The following SLC24A2 variants were observed in gnomAD, a reference collection of about 807,000 sequenced individuals.
SLC24A2 encodes the protein solute carrier family 24 member 2, also known as sodium/potassium/calcium exchanger 2.
SLC24A2 carries 36 observed loss-of-function variants against 62.0 expected under a neutral mutation model. The ratio of observed to expected loss-of-function variants is 0.58; its 90% CI spans 0.44 to 0.77. SLC24A2 has a LOEUF of 0.77. Ranked by LOEUF, SLC24A2 falls within the 30% of genes least tolerant of loss-of-function variation. The probability of loss-of-function intolerance (pLI) is 0.00; values close to 1 mark genes in which losing one functional copy is unlikely to be tolerated. For missense variants in SLC24A2, 846 were observed against 817.9 expected, an observed-to-expected ratio of 1.03 and a Z score of -0.42; for synonymous variants, 358 against 294.0, an observed-to-expected ratio of 1.22 and a Z score of -2.23.
At chr9:19,949,427 T>C in the SLC24A2 span, among the ~76,000 whole-genome samples, 1 of 152,232 alleles carries the variant, frequency 6.6e-6, no homozygotes, top group Non-Finnish European at 1.5e-5. Flanking sequence ...TATGTGATCA[T>C]ACTAACAAGA....
At chr9:19,833,986 T>C in the SLC24A2 span, among the ~76,000 whole-genome samples, 1 of 152,156 alleles carries the variant, frequency 6.6e-6, no homozygotes, top group Non-Finnish European at 1.5e-5. Flanking sequence ...GGACTGCCAG[T>C]AAACTCCAAC....
chr9:20,019,728 A>C, the SLC24A2 span, among the ~76,000 whole-genome samples: 5 of 152,330 alleles, frequency 3.3e-5, no homozygotes, highest in East Asian at 1.9e-4. Flanking sequence ...AATGGGATCT[A>C]ATTAAACTAA....
At chr9:19,571,570 G>A (rs1835838747) in intron 7 of SLC24A2, among the ~76,000 whole-genome samples, 2 of 152,144 alleles carry the variant, frequency 1.3e-5, no homozygotes, top group East Asian at 1.9e-4. Context: ...AACAGCATCA[G>A]CATCACTGGG....
At chr9:19,789,494 G>C (rs1823278952), upstream of SLC24A2, among the ~76,000 whole-genome samples, 1 of 152,214 alleles carries the variant, frequency 6.6e-6, no homozygotes, top group African/African-American at 2.4e-5. Flanking sequence ...CTTGAGTGTT[G>C]GATTTGGATG....
the SLC24A2 span, among the ~76,000 whole-genome samples, chr9:19,868,656 C>A: frequency 2.6e-5 from 4 of 151,910 alleles, no homozygotes; most frequent in African/African-American, 9.7e-5. Flanking sequence ...TGTTGTTAGT[C>A]GTGTATATAT....
chr9:19,932,446 G>A, the SLC24A2 span, among the ~76,000 whole-genome samples: 1,481 of 152,280 alleles, frequency 9.7e-3, 27 homozygotes, highest in African/African-American at 0.034. Context: ...TTAGGGGCCT[G>A]CTAATGAAGC....
At chr9:19,736,482 G>T (rs1821513961) in intron 2 of SLC24A2, among the ~76,000 whole-genome samples, 1 of 152,030 alleles carries the variant, frequency 6.6e-6, no homozygotes, top group African/African-American at 2.4e-5. Context: ...TTAACCAAAA[G>T]AAGTCTGGTT....
chr9:20,133,549 C>G, the SLC24A2 span, among the ~76,000 whole-genome samples: 1 of 152,092 alleles, frequency 6.6e-6, no homozygotes, highest in Non-Finnish European at 1.5e-5. Flanking sequence ...TGCAGTTTCT[C>G]TAAATTGTCA....
intron 5 of SLC24A2, among the ~76,000 whole-genome samples, chr9:19,588,851 C>T (rs945773974): frequency 5.3e-5 from 8 of 152,080 alleles, no homozygotes; most frequent in African/African-American, 1.9e-4. Context: ...ATCCCAGCTA[C>T]CTGGGAGGCT....
At chr9:20,087,244 C>A in the SLC24A2 span, among the ~76,000 whole-genome samples, 2 of 152,196 alleles carry the variant, frequency 1.3e-5, no homozygotes, top group African/African-American at 2.4e-5. Context: ...ATATGCCAGA[C>A]ATTGTTCTAA....
the SLC24A2 span, chr9:19,958,055 G>C: frequency 6.6e-6 from 1 of 152,374 alleles, no homozygotes; most frequent in African/African-American, 2.4e-5. Flanking sequence ...GGGACACACA[G>C]TCCCCTCTTA....
In SLC24A2 at chr9:19,787,021, TTAAA is replaced by T. The variant is rs1823196004; in HGVS notation, c.-153-6_-153-3del. Reference sequence around the variant, plus strand: ...CACAGGAAACTTTCATCATTTATGCTTAAATAAAAATAAAAACGAGAATAAGTAA... The same window carrying T: ...CACAGGAAACTTTCATCATTTATGCTTAAAAATAAAAACGAGAATAAGTAA... On this transcript the variant is annotated splice_polypyrimidine_tract_variant and splice_region_variant and intron_variant, in intron 1 of 10. Transcript: ENST00000341998. 7.2e-7 allele frequency: 1 copy of T among 1,385,562 alleles called. No individual in the cohort carries two copies. Among genetic ancestry groups the T allele is most frequent in the Admixed American group, 3.1e-5 (1 of 32,510 alleles). The allele number at this position is 1,385,562 out of a possible 1,614,324, so 85.8% of individuals were successfully genotyped here.
chr9:19,522,481 C>T (rs1057161303), intron 9 of SLC24A2, among the ~76,000 whole-genome samples: 1 of 152,172 alleles, frequency 6.6e-6, no homozygotes, highest in Non-Finnish European at 1.5e-5. Flanking sequence ...GAATAGAATA[C>T]ACTCATTTCT....
At chr9:20,068,753 T>A in the SLC24A2 span, among the ~76,000 whole-genome samples, 1 of 152,192 alleles carries the variant, frequency 6.6e-6, no homozygotes, top group Admixed American at 6.5e-5. Flanking sequence ...AAATTAGGGC[T>A]GAAAGGAGGT....
chr9:19,591,208 A>G (rs1292560490), intron 5 of SLC24A2, among the ~76,000 whole-genome samples: 1 of 152,088 alleles, frequency 6.6e-6, no homozygotes, highest in Non-Finnish European at 1.5e-5. Context: ...CCTCTATCCC[A>G]TGCTCCATAC....
the SLC24A2 span, among the ~76,000 whole-genome samples, chr9:19,802,428 AACGAAGTCT>A: frequency 6.6e-6 from 1 of 152,360 alleles, no homozygotes; most frequent in Non-Finnish European, 1.5e-5. Context: ...ATGAAGGAAC[AACGAAGTCT>A]GGATATGTTT....
chr9:19,591,743 G>C (rs1006274712), intron 5 of SLC24A2, among the ~76,000 whole-genome samples: 3 of 152,274 alleles, frequency 2.0e-5, no homozygotes, highest in African/African-American at 7.2e-5. Context: ...GAATTATTGT[G>C]GAGCTGCTAG....
chr9:19,846,658 T>C, the SLC24A2 span, among the ~76,000 whole-genome samples: 1 of 152,198 alleles, frequency 6.6e-6, no homozygotes, highest in Non-Finnish European at 1.5e-5. Context: ...TTTGTGTGGT[T>C]GCTTTATAGG....
the SLC24A2 span, among the ~76,000 whole-genome samples, chr9:20,282,856 A>T: frequency 0.67 from 102,595 of 152,056 alleles, 36,978 homozygotes; most frequent in East Asian, 0.96. Context: ...TAAAACTATT[A>T]CTATTTTTCA....
Sources: gnomAD v4.1 joint callset for allele counts (sites outside exome capture counted in the v4.1 genomes callset) on GRCh38, gnomAD v4.1.1 for gene constraint, MANE v1.5 for transcripts, NCBI Gene and HGNC (gene_info 2026-07-23, HGNC 2026-07-21) for gene names.